The following NSD1 variants were observed in gnomAD, a reference collection of about 807,000 sequenced individuals.
The protein encoded by NSD1 is nuclear receptor binding SET domain protein 1.
Under a neutral mutation model 242.7 loss-of-function variants are expected in NSD1, and 26 were observed. The observed-to-expected ratio is 0.11, with a 90% CI of 0.08 to 0.15. The LOEUF is 0.15. NSD1 is among the 10% of genes least tolerant of loss of function. The pLI is 1.00. For missense variants in NSD1, 2,495 were observed against 3,272.8 expected (o/e 0.76, Z 5.80); for synonymous variants, 1,106 against 1,178.1 (o/e 0.94, Z 1.25).
Position 177,238,779 on chromosome 5 carries a change from C to G in NSD1, c.4192+272C>G, listed in dbSNP as rs1765639179. Among the ~76,000 whole-genome samples the G allele has an allele frequency of 6.6e-6, 1 of 152,138 alleles. No homozygotes were observed. The highest frequency in any genetic ancestry group is 1.5e-5 in the Non-Finnish European group (1 of 68,038). Reference sequence around the variant, plus strand: ...GATCAGCCACTGTGTAAATTAACAACCAGGATAACAGGGCTTCAAGAGGAG... The same window carrying G: ...GATCAGCCACTGTGTAAATTAACAAGCAGGATAACAGGGCTTCAAGAGGAG... On this transcript the variant is annotated intron_variant, in intron 7 of 22. Coordinates refer to ENST00000439151, the MANE Select transcript of NSD1 (RefSeq NM_022455.5). The surrounding 1 kb of genome is among the most constrained non-coding windows in gnomAD (Gnocchi z 4.6).
At chr5:177,186,629 C>T (rs1167554166) in intron 2 of NSD1, among the ~76,000 whole-genome samples, 3 of 152,048 alleles carry the variant, frequency 2.0e-5, no homozygotes, top group East Asian at 1.9e-4. Context: ...TAGTGATTTT[C>T]GAAGATGGTA....
intron 4 of NSD1, among the ~76,000 whole-genome samples, chr5:177,205,710 C>G (rs1184748559): frequency 6.6e-6 from 1 of 152,004 alleles, no homozygotes; most frequent in Non-Finnish European, 1.5e-5. Flanking sequence ...ACTGTCACCA[C>G]CATTCTACTG....
At position 177,162,543 on chromosome 5, in the gene NSD1, G is replaced by A. The variant is rs890666684; in HGVS notation, c.927+26513G>A. Among the ~76,000 whole-genome samples, 13 of 152,104 alleles carry A rather than the reference G, an allele frequency of 8.5e-5. 1 individual carries two copies. The highest frequency in any genetic ancestry group is 7.9e-4 in the Admixed American group (12 of 15,244). ...CATGAGTAGTTGGAACCACAGGCAT[G>A]TGTCACCATGCTTTTGTAGAGACAG... On this transcript the variant is annotated intron_variant, in intron 2 of 22. Coordinates refer to ENST00000439151, the MANE Select transcript of NSD1 (RefSeq NM_022455.5).
At chr5:177,233,709 C>T (rs1388706192) in intron 5 of NSD1, among the ~76,000 whole-genome samples, 1 of 152,058 alleles carries the variant, frequency 6.6e-6, no homozygotes, top group African/African-American at 2.4e-5. Context: ...ATTGGTTTCA[C>T]AAACATTTTA....
rs180832098 is a variant in NSD1, at chr5:177,262,693, A to G, written c.5146+2525A>G. On this transcript the variant is annotated intron_variant, in intron 14 of 22. Transcript: ENST00000439151. The stretch of plus-strand genomic sequence containing the variant: ...CAGGAGTTCGAGACCAGCCTGGCCA[A>G]CATGGCGAAACCCCATCTCTGCTAA... Among the ~76,000 whole-genome samples the G allele has an allele frequency of 2.9e-3, 449 of 152,376 alleles. 4 individuals are homozygous for G. The highest frequency in any genetic ancestry group is 0.021 in the Admixed American group (324 of 15,306).
At chr5:177,293,634 GT>G (rs1484392608) in intron 22 of NSD1, among the ~76,000 whole-genome samples, 197 bp from the exon 23 acceptor site, 1 of 145,080 alleles carries the variant, frequency 6.9e-6, no homozygotes, top group Non-Finnish European at 1.5e-5. Flanking sequence ...ATAATTCGCT[GT>G]TACTTTATGT....
At chr5:177,162,945 A>G (rs190571376) in intron 2 of NSD1, among the ~76,000 whole-genome samples, 1 of 152,090 alleles carries the variant, frequency 6.6e-6, no homozygotes, top group Non-Finnish European at 1.5e-5. Flanking sequence ...GATTACAGAC[A>G]TGAGCCACTA....
In NSD1 at chr5:177,277,578, G is replaced by T. The variant is rs769940462; in HGVS notation, c.5623-2987G>T. 5.3e-5 allele frequency among the ~76,000 whole-genome samples: 8 copies of T among 152,090 alleles called. 1 individual carries two copies. The highest frequency in any genetic ancestry group is 8.8e-5 in the Non-Finnish European group (6 of 68,018). On this transcript the variant is annotated intron_variant, in intron 17 of 22. Coordinates refer to ENST00000439151, the MANE Select transcript of NSD1 (RefSeq NM_022455.5). ...GTGGGATTTGTTTTGGTTTGCTTTT[G>T]GTTTACGATGTGATAAGTACAAAAC...
chr5:177,163,428 A>T (rs1758920188), intron 2 of NSD1, among the ~76,000 whole-genome samples: 1 of 152,120 alleles, frequency 6.6e-6, no homozygotes, highest in South Asian at 2.1e-4. Flanking sequence ...GGCATGAGCC[A>T]CCGCGCCCAG....
In NSD1 at chr5:177,295,396, T is replaced by C. The variant is rs979499975; in HGVS notation, c.8028T>C (p.Asn2676=). The change falls in exon 23 of 23, where the codon AAT becomes AAC. Residue 2676 remains asparagine (N), a synonymous_variant. Transcript: ENST00000439151. The surrounding 1 kb of genome is among the most constrained non-coding windows in gnomAD (Gnocchi z 4.3). ...GRGQDPKPEQ[N]TLPALNQAPS... Reference sequence around the variant, plus strand: ...GGCAAGACCCCAAACCAGAGCAAAATACACTTCCAGCTCTTAACCAGGCTC... The same window carrying C: ...GGCAAGACCCCAAACCAGAGCAAAACACACTTCCAGCTCTTAACCAGGCTC... The C allele has an allele frequency of 2.5e-6, 4 of 1,614,000 alleles. No individual in the cohort carries two copies. The highest frequency in any genetic ancestry group is 3.4e-6 in the Non-Finnish European group (4 of 1,180,034).
intron 2 of NSD1, among the ~76,000 whole-genome samples, chr5:177,184,347 T>G (rs569148178): frequency 2.0e-5 from 3 of 152,314 alleles, no homozygotes; most frequent in African/African-American, 7.2e-5. Context: ...TAGTTTTGAT[T>G]TGCATTTCTC....
chr5:177,193,562 C>T (rs1265355643), intron 3 of NSD1, among the ~76,000 whole-genome samples: 1 of 151,992 alleles, frequency 6.6e-6, no homozygotes, highest in East Asian at 1.9e-4. Flanking sequence ...CAGGTGTGAG[C>T]CACTGCACCT....
chr5:177,219,547 A>C (rs1177566490), intron 5 of NSD1, among the ~76,000 whole-genome samples: 1 of 152,070 alleles, frequency 6.6e-6, no homozygotes, highest in Non-Finnish European at 1.5e-5. Flanking sequence ...ATTGTTCAAG[A>C]GTTTGTTGTT....
At chr5:177,262,972 A>G (rs920386083) in intron 14 of NSD1, among the ~76,000 whole-genome samples, 1 of 152,242 alleles carries the variant, frequency 6.6e-6, no homozygotes, top group African/African-American at 2.4e-5. Context: ...ATTCAGTGAA[A>G]GGCTGATGAA....
chr5:177,236,125 C>T (rs1765418676), intron 6 of NSD1, among the ~76,000 whole-genome samples, 180 bp downstream of exon 6: 2 of 152,074 alleles, frequency 1.3e-5, no homozygotes, highest in Non-Finnish European at 2.9e-5. Context: ...ATAAATGAAT[C>T]TACATATTGT....
chr5:177,276,339 C>T (rs1435723253), intron 17 of NSD1, among the ~76,000 whole-genome samples: 1 of 149,992 alleles, frequency 6.7e-6, no homozygotes, highest in Non-Finnish European at 1.5e-5. Flanking sequence ...TTTTTTTTCC[C>T]CCTGAGACAG....
At chr5:177,138,110 C>A (rs1000411645) in intron 2 of NSD1, among the ~76,000 whole-genome samples, 3 of 150,210 alleles carry the variant, frequency 2.0e-5, no homozygotes, top group Admixed American at 2.0e-4. Flanking sequence ...AACAAACAAA[C>A]AAACAAAAAA....
At chr5:177,158,719 G>A (rs932792283) in intron 2 of NSD1, among the ~76,000 whole-genome samples, 3 of 149,650 alleles carry the variant, frequency 2.0e-5, no homozygotes, top group East Asian at 2.0e-4. Context: ...CTACTAGGGC[G>A]ACTGAGGTGG....
At chr5:177,185,990 T>A (rs1172372923) in intron 2 of NSD1, among the ~76,000 whole-genome samples, 4 of 97,372 alleles carry the variant, frequency 4.1e-5, no homozygotes, top group African/African-American at 1.2e-4. Context: ...ATTATATATT[T>A]TATATTATAT....
Sources: allele counts gnomAD v4.1 joint callset (sites outside exome capture counted in the v4.1 genomes callset), GRCh38; gene constraint gnomAD v4.1.1; non-coding constraint Gnocchi (gnomAD v3.1); transcripts MANE v1.5; gene names NCBI Gene and HGNC (gene_info 2026-07-23, HGNC 2026-07-21).